Variants in ZXDC observed in about 807,000 individuals in gnomAD.
ZXDC encodes the protein ZXD family zinc finger C, also known as zinc finger protein ZXDC.
ZXDC carries 58 observed loss-of-function variants against 63.6 expected under a neutral mutation model. That is an observed-to-expected ratio of 0.91 (90% CI 0.74 to 1.13). The LOEUF is 1.13. Among genes scored for constraint, ZXDC ranks in the 50% most tolerant of loss-of-function variants. The pLI, the probability that ZXDC is intolerant of heterozygous loss-of-function variation, is 0.00. For synonymous variants in ZXDC, 561 were observed against 496.1 expected (o/e 1.13, Z -1.74); for missense variants, 1,133 against 1,148.9 (o/e 0.99, Z 0.20).
chr3:126,458,719 T>C (rs1286271537), intron 7 of ZXDC: 1 of 985,376 alleles, frequency 1.0e-6, no homozygotes, highest in Non-Finnish European at 1.2e-6. Flanking sequence ...GCATCCGCTT[T>C]CCTTCATGAA....
chr3:126,455,481 C>A (rs968274157), intron 7 of ZXDC, among the ~76,000 whole-genome samples: 5 of 152,100 alleles, frequency 3.3e-5, no homozygotes, highest in Admixed American at 6.6e-5. Context: ...GAAACCAGGG[C>A]TCTCTGGAGG....
At chr3:126,460,539 C>T in intron 6 of ZXDC, 1 of 985,414 alleles carries the variant, frequency 1.0e-6, no homozygotes, top group Non-Finnish European at 1.2e-6. Flanking sequence ...TTTCCCAAGG[C>T]ACCGAGGCAC....
rs1418126139 is a variant in ZXDC at position 126,437,680 on chromosome 3, T to C, written c.*695A>G. On this transcript the variant is annotated 3_prime_UTR_variant, in exon 10 of 10. Coordinates refer to ENST00000389709, the MANE Select transcript of ZXDC (RefSeq NM_025112.5). ...CCAAATTACCACTTAAACACTAATA[T>C]CCAAATACAGAATTTAGAAAATTAT... 1 of 152,396 alleles carries C rather than the reference T, an allele frequency of 6.6e-6. No homozygotes were observed. The highest frequency in any genetic ancestry group is 1.5e-5 in the Non-Finnish European group (1 of 68,260). 9.4% of individuals were successfully genotyped at this position (152,396 alleles called of 1,614,324 possible). A position where few individuals can be genotyped will look rare whatever the true frequency, so the allele number is the denominator to read the frequency against.
intron 7 of ZXDC, chr3:126,459,273 T>A (rs1022858108): frequency 1.0e-6 from 1 of 985,382 alleles, no homozygotes; most frequent in Non-Finnish European, 1.2e-6. Flanking sequence ...CTGGGGACAG[T>A]GGCAGTCCCC....
chr3:126,444,254 C>T (rs1182149162), intron 7 of ZXDC, among the ~76,000 whole-genome samples: 11 of 152,112 alleles, frequency 7.2e-5, no homozygotes, highest in Admixed American at 5.2e-4. Flanking sequence ...AAATATTGGC[C>T]GGGCGCAGTG....
Position 126,461,886 on chromosome 3 carries a change from C to T in ZXDC, c.1776G>A (p.Gln592=). 6.2e-7 allele frequency: 1 copy of T among 1,614,218 alleles called. No individual in the cohort carries two copies. ...LVLGTAATVL[Q]QGSFSVDDVQ... ...CGTCATCCACACTGAAGCTGCCCTG[C>T]TGCAGAACCGTGGCTGCTGTCCCGA... The change falls in exon 6 of 10, where the codon CAG becomes CAA. Residue 592 remains glutamine (Q), a synonymous_variant. Transcript: ENST00000389709.
At chr3:126,465,697 T>A (rs912625822) in intron 5 of ZXDC, among the ~76,000 whole-genome samples, 3 of 152,000 alleles carry the variant, frequency 2.0e-5, no homozygotes, top group African/African-American at 7.3e-5. Context: ...ATGCCTGTAA[T>A]CCCAGCACTT....
Position 126,438,205 on chromosome 3 carries a change from T to C in ZXDC, c.*170A>G. 1.5e-6 allele frequency: 1 copy of C among 651,576 alleles called. No homozygotes were observed. The highest frequency in any genetic ancestry group is 2.7e-6 in the Non-Finnish European group (1 of 368,480). 40.4% of individuals were successfully genotyped at this position (651,576 alleles called of 1,614,324 possible). A position where few individuals can be genotyped will look rare whatever the true frequency, so the allele number is the denominator to read the frequency against. On this transcript the variant is annotated 3_prime_UTR_variant, in exon 10 of 10. Coordinates refer to ENST00000389709, the MANE Select transcript of ZXDC (RefSeq NM_025112.5). ...AAAGAGTATAGCCCGAACTCATTCC[T>C]GGTAAAACAAAAGGAAAACATTTTT...
At chr3:126,463,814 T>C (rs1435377851) in intron 5 of ZXDC, among the ~76,000 whole-genome samples, 1 of 152,192 alleles carries the variant, frequency 6.6e-6, no homozygotes, top group Non-Finnish European at 1.5e-5. Flanking sequence ...AGAATGTCTA[T>C]TATATTTTAT....
At chr3:126,463,108 G>A (rs1365774850) in intron 5 of ZXDC, among the ~76,000 whole-genome samples, 1 of 150,828 alleles carries the variant, frequency 6.6e-6, no homozygotes, top group African/African-American at 2.4e-5. Context: ...TCGCTCTGTC[G>A]CCCAGGCTGG....
chr3:126,471,637 G>C (rs1036082394), intron 3 of ZXDC, among the ~76,000 whole-genome samples: 1 of 151,904 alleles, frequency 6.6e-6, no homozygotes, highest in Admixed American at 6.6e-5. Flanking sequence ...AGTCTCCAGG[G>C]TTGTCATTAC....
At position 126,470,633 on chromosome 3, in the gene ZXDC, G is replaced by A. The variant is rs575119420; in HGVS notation, c.1270+262C>T. Among the ~76,000 whole-genome samples the A allele has an allele frequency of 5.9e-5, 9 of 152,024 alleles. No individual in the cohort carries two copies. In the South Asian group the frequency reaches 1.5e-3, roughly 25 times the overall value. ...TTTCCACATTTCACCTAATCCTCAC[G>A]ACCACCAAATTAAACAGGTAACTTA... On this transcript the variant is annotated intron_variant, in intron 4 of 9. Coordinates refer to ENST00000389709, the MANE Select transcript of ZXDC (RefSeq NM_025112.5).
intron 7 of ZXDC, chr3:126,442,165 T>A (rs1933708635): frequency 4.1e-6 from 2 of 484,352 alleles, no homozygotes; most frequent in Admixed American, 8.8e-5. Flanking sequence ...TTTAAAAATG[T>A]AAAAACATCA....
Position 126,438,162 on chromosome 3 carries a change from G to A in ZXDC, c.*213C>T, listed in dbSNP as rs1225395163. 2 of 589,388 alleles carry A rather than the reference G, an allele frequency of 3.4e-6. No homozygotes were observed. Among genetic ancestry groups the A allele is most frequent in the Admixed American group, 5.9e-5 (2 of 34,130 alleles). 36.5% of individuals were successfully genotyped at this position (589,388 alleles called of 1,614,324 possible). Reference sequence around the variant, plus strand: ...GACCCTTGCCTTGCCAAAGCACTTTGCTCACAAAGGCAGTTTCAAAGAGTA... The same window carrying A: ...GACCCTTGCCTTGCCAAAGCACTTTACTCACAAAGGCAGTTTCAAAGAGTA... On this transcript the variant is annotated 3_prime_UTR_variant, in exon 10 of 10. Coordinates refer to ENST00000389709, the MANE Select transcript of ZXDC (RefSeq NM_025112.5).
At chr3:126,439,560 A>C in intron 9 of ZXDC, 72 bp downstream of exon 9, 2 of 1,550,196 alleles carry the variant, frequency 1.3e-6, no homozygotes, top group South Asian at 1.2e-5. Flanking sequence ...GCAGCTGTGA[A>C]GCCAGGCTTC....
At chr3:126,438,555 G>C (rs1933552537) in intron 9 of ZXDC, 94 bp from the exon 10 acceptor site, 3 of 1,101,872 alleles carry the variant, frequency 2.7e-6, no homozygotes, top group Admixed American at 4.9e-5. Flanking sequence ...CAGGCCCGTG[G>C]TGAGATACCT....
At chr3:126,453,538 C>T (rs149296586) in intron 7 of ZXDC, 23 of 985,362 alleles carry the variant, frequency 2.3e-5, no homozygotes, top group African/African-American at 5.2e-5. Context: ...TTTCTAAGAC[C>T]CTCACATGTA....
rs1053631134 is a variant in ZXDC at position 126,457,503 on chromosome 3, C to T, written c.2212+2150G>A. On this transcript the variant is annotated intron_variant, in intron 7 of 9. Transcript: ENST00000389709. ...GCCTCACCCTCACGAGGACATTCTCCTGCTGCACTCACACACGGAGACCTA... is the reference window on the plus strand; with the variant it reads ...GCCTCACCCTCACGAGGACATTCTCTTGCTGCACTCACACACGGAGACCTA... The T allele has an allele frequency of 1.1e-5, 11 of 985,338 alleles. No individual in the cohort carries two copies. The South Asian group carries it at 4.2e-4, about 38-fold the overall frequency. The allele number at this position is 985,338 out of a possible 1,614,324, so 61.0% of individuals were successfully genotyped here.
At chr3:126,459,992 C>T (rs1934462163) in intron 6 of ZXDC, 16 of 985,430 alleles carry the variant, frequency 1.6e-5, no homozygotes, top group Non-Finnish European at 1.9e-5. Flanking sequence ...TAAAACATAG[C>T]CAAATATTTT....
Sources: allele counts gnomAD v4.1 joint callset (sites outside exome capture counted in the v4.1 genomes callset), GRCh38; gene constraint gnomAD v4.1.1; transcripts MANE v1.5; gene names NCBI Gene and HGNC (gene_info 2026-07-23, HGNC 2026-07-21).